The following TAX1BP1 variants were observed in gnomAD, a reference collection of about 807,000 sequenced individuals.
The protein encoded by TAX1BP1 is tax1-binding protein 1.
In TAX1BP1, 62 loss-of-function variants were observed where a neutral mutation model predicts 97.7. The observed-to-expected ratio is 0.63, with a 90% CI of 0.52 to 0.78. The LOEUF (loss-of-function observed/expected upper bound fraction) is 0.78, where lower values mean the gene tolerates loss of function less well. Among genes scored for constraint, TAX1BP1 ranks in the 30% least tolerant of loss-of-function variants. TAX1BP1 has a pLI of 0.00. For missense variants in TAX1BP1, 867 were observed against 916.1 expected, an observed-to-expected ratio of 0.95 and a Z score of 0.69; for synonymous variants, 340 against 304.2, an observed-to-expected ratio of 1.12 and a Z score of -1.23.
chr7:27,791,999 T>C lies in TAX1BP1; in HGVS notation c.1039-7T>C. On this transcript the variant is annotated splice_region_variant and splice_polypyrimidine_tract_variant and intron_variant, in intron 8 of 16. Coordinates refer to ENST00000396319, the MANE Select transcript of TAX1BP1 (RefSeq NM_006024.7). The stretch of plus-strand genomic sequence containing the variant: ...GAATTACAAATATATTTATCTGCTT[T>C]CTTCAGGAAGATACTTGTTTTTTAA... The C allele has an allele frequency of 6.2e-7, 1 of 1,612,336 alleles. No homozygotes were observed. The highest frequency in any genetic ancestry group is 1.1e-5 in the South Asian group (1 of 90,866).
At chr7:27,749,402 T>C (rs1293378166) in intron 2 of TAX1BP1, among the ~76,000 whole-genome samples, 1 of 152,258 alleles carries the variant, frequency 6.6e-6, no homozygotes, top group Non-Finnish European at 1.5e-5. Context: ...ACATTCACTT[T>C]TCTCCTGTGT....
intron 4 of TAX1BP1, among the ~76,000 whole-genome samples, chr7:27,769,293 G>T (rs1788755707): frequency 6.6e-6 from 1 of 151,882 alleles, no homozygotes; most frequent in South Asian, 2.1e-4. Flanking sequence ...CTATAGGTTT[G>T]CATTCAAGAA....
chr7:27,772,838 A>G (rs2128313272), intron 5 of TAX1BP1, among the ~76,000 whole-genome samples: 1 of 152,224 alleles, frequency 6.6e-6, no homozygotes, highest in East Asian at 1.9e-4. Flanking sequence ...GATAATGTTT[A>G]TAAATTGAGA....
chr7:27,817,106 G>A, intron 15 of TAX1BP1, 68 bp downstream of exon 15: 2 of 1,554,824 alleles, frequency 1.3e-6, no homozygotes, highest in East Asian at 2.2e-5. Context: ...AGAGTTAAGG[G>A]TATGTGTGCA....
intron 5 of TAX1BP1, chr7:27,772,007 T>C (rs1417651450): frequency 6.6e-6 from 1 of 152,040 alleles, no homozygotes; most frequent in African/African-American, 2.4e-5. Flanking sequence ...TTCCCTCAGA[T>C]TCTAAAAGTA....
At chr7:27,774,726 G>A (rs1788963401) in intron 5 of TAX1BP1, among the ~76,000 whole-genome samples, 1 of 152,002 alleles carries the variant, frequency 6.6e-6, no homozygotes, top group Admixed American at 6.6e-5. Context: ...CATCTTTAGT[G>A]TTTTTCTGTG....
chr7:27,741,520 A>C (rs1411139012), intron 1 of TAX1BP1, among the ~76,000 whole-genome samples: 1 of 141,778 alleles, frequency 7.1e-6, no homozygotes, highest in African/African-American at 2.6e-5. Flanking sequence ...TTTTTCCTTG[A>C]GATGGAGTCT....
chr7:27,819,632 T>C (rs971029558), intron 15 of TAX1BP1, among the ~76,000 whole-genome samples: 6 of 152,164 alleles, frequency 3.9e-5, no homozygotes, highest in African/African-American at 1.4e-4. Flanking sequence ...GATAAACCCA[T>C]CATAAGTTAA....
At chr7:27,813,717 CCCAAGTG>C (rs573794106) in intron 13 of TAX1BP1, among the ~76,000 whole-genome samples, 16 of 152,096 alleles carry the variant, frequency 1.1e-4, no homozygotes, top group Non-Finnish European at 2.1e-4. Flanking sequence ...GCTTTGGCCT[CCCAAGTG>C]CCACATTGTG....
chr7:27,758,133 G>C lies in TAX1BP1; in HGVS notation c.265G>C (p.Gly89Arg). The change falls in exon 3 of 17, where the codon GGA becomes CGA. Residue 89 changes from glycine to arginine, a missense_variant and splice_region_variant. By Grantham distance (125) the Gly-to-Arg change is moderately radical. Transcript: ENST00000396319. ...STVNCVLAFQ[G>R]YYLPNDDGEF... ...AGTCAATTGTGTACTAGCATTCCAA[G>C]GTAAGGACTGAAAACTGCAGAACTC... 1 of 1,604,932 alleles carries C rather than the reference G, an allele frequency of 6.2e-7. No homozygotes were observed. Among genetic ancestry groups the C allele is most frequent in the Non-Finnish European group, 8.5e-7 (1 of 1,175,162 alleles).
intron 15 of TAX1BP1, among the ~76,000 whole-genome samples, chr7:27,826,487 C>T (rs1481877495): frequency 1.3e-5 from 2 of 151,994 alleles, no homozygotes; most frequent in Admixed American, 6.6e-5. Flanking sequence ...TTAATAGCAG[C>T]TCTGGGGCAA....
intron 2 of TAX1BP1, among the ~76,000 whole-genome samples, chr7:27,754,199 A>G (rs1482191594): frequency 6.6e-6 from 1 of 152,104 alleles, no homozygotes; most frequent in Non-Finnish European, 1.5e-5. Context: ...GGATCCAAAC[A>G]GTGATTTTAT....
chr7:27,771,007 C>T (rs930708121), intron 5 of TAX1BP1, among the ~76,000 whole-genome samples: 5 of 146,600 alleles, frequency 3.4e-5, no homozygotes, highest in Non-Finnish European at 6.0e-5. Context: ...CTACTTTTTT[C>T]ATTTGAACCT....
chr7:27,821,183 C>T (rs1477434646), intron 15 of TAX1BP1, among the ~76,000 whole-genome samples: 1 of 152,096 alleles, frequency 6.6e-6, no homozygotes, highest in Non-Finnish European at 1.5e-5. Flanking sequence ...AGCTGGTTGG[C>T]ATCTCTTAAT....
chr7:27,812,917 C>T (rs1790613541), intron 13 of TAX1BP1, among the ~76,000 whole-genome samples: 1 of 152,132 alleles, frequency 6.6e-6, no homozygotes, highest in South Asian at 2.1e-4. Flanking sequence ...TGGCCATGCC[C>T]ATTCATGTAG....
At chr7:27,791,232 A>G (rs188688822) in intron 8 of TAX1BP1, among the ~76,000 whole-genome samples, 265 of 152,262 alleles carry the variant, frequency 1.7e-3, no homozygotes, top group African/African-American at 6.1e-3. Context: ...CTAACAGTTT[A>G]GAAACCAATA....
chr7:27,824,926 G>A (rs2128327253), intron 15 of TAX1BP1, among the ~76,000 whole-genome samples: 1 of 152,242 alleles, frequency 6.6e-6, no homozygotes, highest in East Asian at 1.9e-4. Flanking sequence ...TAGTAGTTTA[G>A]CTAAAATACT....
chr7:27,773,211 G>T (rs377574586), intron 5 of TAX1BP1, among the ~76,000 whole-genome samples: 1 of 152,070 alleles, frequency 6.6e-6, no homozygotes, highest in Non-Finnish European at 1.5e-5. Context: ...GCTCCAGTCC[G>T]TGCTTTTAAC....
chr7:27,755,109 A>G (rs11982051), intron 2 of TAX1BP1, among the ~76,000 whole-genome samples: 6,224 of 152,194 alleles, frequency 0.041, 396 homozygotes, highest in African/African-American at 0.14. Context: ...CTTTTCTAGT[A>G]ACATGATTTT....
Sources: gnomAD v4.1 joint callset for allele counts (sites outside exome capture counted in the v4.1 genomes callset) on GRCh38, gnomAD v4.1.1 for gene constraint, MANE v1.5 for transcripts, NCBI Gene and HGNC (gene_info 2026-07-23, HGNC 2026-07-21) for gene names.